Variants in AUTS2 observed in about 807,000 individuals in gnomAD.
AUTS2 encodes the protein activator of transcription and developmental regulator AUTS2, also known as autism susceptibility gene 2 protein.
In AUTS2, 17 loss-of-function variants were observed where a neutral mutation model predicts 112.4. The ratio of observed to expected loss-of-function variants is 0.15; its 90% confidence interval spans 0.10 to 0.23. The LOEUF (loss-of-function observed/expected upper bound fraction) is 0.23, where lower values mean the gene tolerates loss of function less well. AUTS2 is among the 10% of genes least tolerant of loss of function. AUTS2 has a pLI of 1.00. For missense variants in AUTS2, 1,510 were observed against 1,701.6 expected (o/e 0.89, Z 1.98); for synonymous variants, 751 against 702.7 (o/e 1.07, Z -1.09).
chr7:69,776,431 T>C (rs1788901019), intron 1 of AUTS2, among the ~76,000 whole-genome samples: 1 of 152,180 alleles, frequency 6.6e-6, no homozygotes, highest in South Asian at 2.1e-4. Context: ...TTTTTGTTTT[T>C]TAGAGATAGT....
At chr7:70,491,559 T>C (rs1473473457) in intron 5 of AUTS2, among the ~76,000 whole-genome samples, 1 of 145,280 alleles carries the variant, frequency 6.9e-6, no homozygotes, top group Non-Finnish European at 1.5e-5. Flanking sequence ...TTATATATAA[T>C]ATATTATGTG....
chr7:69,878,624 C>T (rs1005929653), intron 1 of AUTS2, among the ~76,000 whole-genome samples: 5 of 152,138 alleles, frequency 3.3e-5, no homozygotes, highest in African/African-American at 1.2e-4. Flanking sequence ...AAGAAGAAGC[C>T]ACATGACTCG....
intron 4 of AUTS2, among the ~76,000 whole-genome samples, chr7:70,352,404 A>C (rs911819738): frequency 6.6e-6 from 1 of 151,814 alleles, no homozygotes; most frequent in Non-Finnish European, 1.5e-5. Context: ...TTTTTCCTAG[A>C]CTGTAAACTC....
At chr7:70,167,028 C>T (rs749895849) in intron 4 of AUTS2, among the ~76,000 whole-genome samples, 1 of 152,166 alleles carries the variant, frequency 6.6e-6, no homozygotes, top group Non-Finnish European at 1.5e-5. Flanking sequence ...GTGTTTGAGA[C>T]CAGCCTGGCC....
At chr7:70,034,865 C>T (rs1048376268) in intron 2 of AUTS2, among the ~76,000 whole-genome samples, 106 of 152,234 alleles carry the variant, frequency 7.0e-4, no homozygotes, top group African/African-American at 2.5e-3. Context: ...GGCTGTCTCA[C>T]TCTATCATCA....
chr7:69,620,584 A>C (rs1203685799), intron 1 of AUTS2, among the ~76,000 whole-genome samples: 2 of 152,206 alleles, frequency 1.3e-5, no homozygotes, highest in Non-Finnish European at 2.9e-5. Flanking sequence ...TTCATCAGAT[A>C]TTGTTGTCGA....
intron 6 of AUTS2, among the ~76,000 whole-genome samples, chr7:70,705,444 C>G (rs1809685684): frequency 1.3e-5 from 2 of 152,154 alleles, no homozygotes; most frequent in Admixed American, 6.5e-5. Context: ...TTTCATAGTG[C>G]CTGAACTTTT....
intron 4 of AUTS2, among the ~76,000 whole-genome samples, chr7:70,194,262 T>G (rs904169007): frequency 1.3e-5 from 2 of 151,938 alleles, no homozygotes; most frequent in African/African-American, 2.4e-5. Context: ...ATACAAAAAT[T>G]AGCTGGATGT....
At position 69,764,376 on chromosome 7, in the gene AUTS2, G is replaced by GT. The variant is rs374129095; in HGVS notation, c.310-134897dup. On this transcript the variant is annotated intron_variant, in intron 1 of 18. Coordinates refer to ENST00000342771, the MANE Select transcript of AUTS2 (RefSeq NM_015570.4). ...TGCCTGCCTGCTTTTGTTCTAGAGA[G>GT]TTTTTTTTTTTTTCTTTTTCCTTTA... 4.6e-3 allele frequency among the ~76,000 whole-genome samples: 662 copies of GT among 145,258 alleles called. 6 individuals carry two copies. Among genetic ancestry groups the GT allele is most frequent in the South Asian group, 0.031 (142 of 4,526 alleles).
At chr7:70,518,394 C>G (rs752209190) in intron 5 of AUTS2, among the ~76,000 whole-genome samples, 1 of 152,018 alleles carries the variant, frequency 6.6e-6, no homozygotes, top group Non-Finnish European at 1.5e-5. Context: ...AAAAACGTGT[C>G]TTTTTGGGCT....
At chr7:70,654,686 A>G (rs1249217021) in intron 5 of AUTS2, among the ~76,000 whole-genome samples, 1 of 152,216 alleles carries the variant, frequency 6.6e-6, no homozygotes, top group Non-Finnish European at 1.5e-5. Context: ...GATGTTGTAA[A>G]TACCACTATT....
chr7:70,276,361 A>G (rs531094212), intron 4 of AUTS2, among the ~76,000 whole-genome samples: 25 of 151,990 alleles, frequency 1.6e-4, no homozygotes, highest in Non-Finnish European at 3.5e-4. Context: ...TTTTTTCTCT[A>G]AAGTAAATTT....
chr7:69,747,541 T>A (rs1449974378), intron 1 of AUTS2, among the ~76,000 whole-genome samples: 2 of 152,226 alleles, frequency 1.3e-5, no homozygotes, highest in African/African-American at 4.8e-5. Context: ...GTTTTCAGCA[T>A]GACATGAAAG....
intron 1 of AUTS2, among the ~76,000 whole-genome samples, chr7:69,610,090 A>G (rs1792949077): frequency 6.6e-6 from 1 of 152,208 alleles, no homozygotes; most frequent in Admixed American, 6.5e-5. Flanking sequence ...ATCTTTTATC[A>G]AGCATTGTTT....
intron 4 of AUTS2, among the ~76,000 whole-genome samples, chr7:70,161,855 T>C (rs1808093072): frequency 6.6e-6 from 1 of 152,126 alleles, no homozygotes; most frequent in Non-Finnish European, 1.5e-5. Flanking sequence ...CAAACTTTTC[T>C]AAAAGGAATT....
intron 4 of AUTS2, among the ~76,000 whole-genome samples, chr7:70,364,887 C>A (rs182596843): frequency 6.6e-6 from 1 of 152,194 alleles, no homozygotes; most frequent in Admixed American, 6.5e-5. Flanking sequence ...ATGGATAAGT[C>A]TTGATACTAA....
At chr7:70,281,766 A>G (rs1335958985) in intron 4 of AUTS2, among the ~76,000 whole-genome samples, 2 of 152,256 alleles carry the variant, frequency 1.3e-5, no homozygotes, top group African/African-American at 4.8e-5. Context: ...CAAATAACAT[A>G]TGCTAAGCAC....
intron 1 of AUTS2, among the ~76,000 whole-genome samples, chr7:69,661,076 C>T (rs1795770087): frequency 1.3e-5 from 2 of 152,080 alleles, no homozygotes; most frequent in Non-Finnish European, 2.9e-5. Context: ...AGTCTTTTGC[C>T]CCTCTTCAGA....
chr7:70,257,003 T>G (rs926527665), intron 4 of AUTS2, among the ~76,000 whole-genome samples: 1 of 152,202 alleles, frequency 6.6e-6, no homozygotes, highest in African/African-American at 2.4e-5. Flanking sequence ...CCTGATCTTC[T>G]AAGAAAATTA....
Sources: gnomAD v4.1 joint callset for allele counts (sites outside exome capture counted in the v4.1 genomes callset) on GRCh38, gnomAD v4.1.1 for gene constraint, MANE v1.5 for transcripts, NCBI Gene and HGNC (gene_info 2026-07-23, HGNC 2026-07-21) for gene names.